CEACAM8: variants seen among roughly 807,000 people sequenced by gnomAD.
CEACAM8 encodes CEA cell adhesion molecule 8, also known as cell adhesion molecule CEACAM8.
CEACAM8 carries 31 observed loss-of-function variants against 33.4 expected under a neutral mutation model. The ratio of observed to expected loss-of-function variants is 0.93; its 90% CI spans 0.70 to 1.25. The LOEUF is 1.25. CEACAM8 is among the 50% of genes most tolerant of loss of function. CEACAM8 has a pLI of 0.00. For synonymous variants in CEACAM8, 138 were observed against 164.5 expected, an observed-to-expected ratio of 0.84 and a Z score of 1.23; for missense variants, 388 against 434.6, an observed-to-expected ratio of 0.89 and a Z score of 0.95.
At chr19:42,589,993 A>T (rs1432840051) in intron 2 of CEACAM8, among the ~76,000 whole-genome samples, 1 of 152,178 alleles carries the variant, frequency 6.6e-6, no homozygotes, top group African/African-American at 2.4e-5. Context: ...CAGACCCAGG[A>T]CTGGGAGTTA....
intron 1 of CEACAM8, 36 bp downstream of exon 1, chr19:42,594,726 TTCC>T (rs1235597072): frequency 6.5e-7 from 1 of 1,547,182 alleles, no homozygotes. Context: ...GTCACTGTGT[TTCC>T]TCCTCCTGTC....
intron 4 of CEACAM8, among the ~76,000 whole-genome samples, chr19:42,585,101 C>G (rs781621919): frequency 1.3e-5 from 2 of 151,968 alleles, no homozygotes; most frequent in Non-Finnish European, 2.9e-5. Context: ...TTGAAACCAG[C>G]TGGGGCAACA....
intron 2 of CEACAM8, among the ~76,000 whole-genome samples, chr19:42,592,540 T>G (rs2042461179): frequency 2.1e-5 from 3 of 145,842 alleles, no homozygotes; most frequent in South Asian, 4.4e-4. Flanking sequence ...GAGGCAGAGG[T>G]TGCAGTGAGC....
intron 2 of CEACAM8, among the ~76,000 whole-genome samples, chr19:42,592,958 C>G (rs1426239916): frequency 6.6e-6 from 1 of 152,228 alleles, no homozygotes; most frequent in African/African-American, 2.4e-5. Flanking sequence ...AGGTGAAGGA[C>G]AAGACTCTGT....
intron 4 of CEACAM8, among the ~76,000 whole-genome samples, chr19:42,587,111 G>A (rs1244011126): frequency 6.6e-6 from 1 of 152,174 alleles, no homozygotes; most frequent in Non-Finnish European, 1.5e-5. Context: ...TTTTAAGGAA[G>A]TGGAAAAATT....
intron 4 of CEACAM8, among the ~76,000 whole-genome samples, chr19:42,585,313 C>CAAAAA (rs34190972): frequency 1.8e-4 from 11 of 61,846 alleles, no homozygotes; most frequent in African/African-American, 2.9e-4. Context: ...CTCTCTCTCT[C>CAAAAA]AAAAAAAAAA....
rs751358013 is a variant in CEACAM8 at position 42,589,502 on chromosome 19, G to A, written c.658C>T (p.Pro220Ser). 20 of 1,614,096 alleles carry A rather than the reference G, an allele frequency of 1.2e-5. No individual in the cohort carries two copies. Among genetic ancestry groups the A allele is most frequent in the South Asian group, 4.4e-5 (4 of 91,082 alleles). The change falls in exon 3 of 6, where the codon CCA becomes TCA. Residue 220 changes from proline (P) to serine (S), a missense_variant. Coordinates refer to ENST00000244336, the MANE Select transcript of CEACAM8 (RefSeq NM_001816.4). The stretch of plus-strand genomic sequence containing the variant: ...GGGTCACTGAAGTTTGCACTCGCTG[G>A]GTTCTGTATTTCACATTCATAGGGT... ...VGPYECEIQN[P>S]ASANFSDPVT... is the part of the protein sequence containing the mutation.
chr19:42,589,400 C>T, intron 3 of CEACAM8, 57 bp downstream of exon 3: 1 of 1,612,192 alleles, frequency 6.2e-7, no homozygotes, highest in Non-Finnish European at 8.5e-7. Context: ...GGCCTGGCCT[C>T]TGGCTGCGTG....
intron 5 of CEACAM8, among the ~76,000 whole-genome samples, chr19:42,581,920 AATATATATAT>A (rs57314008): frequency 0.021 from 540 of 25,318 alleles, 25 homozygotes; most frequent in African/African-American, 0.085. Context: ...AAAAAAAAAA[AATATATATAT>A]ATATATATAT....
chr19:42,594,036 A>G (rs531390848), intron 1 of CEACAM8, 136 bp from the exon 2 acceptor site: 6 of 917,268 alleles, frequency 6.5e-6, no homozygotes, highest in Non-Finnish European at 9.8e-6. Context: ...TGTCAGCAGC[A>G]CAGCCCCCAT....
rs182383918 is a variant in CEACAM8, at chr19:42,588,087, G to T, written c.958+697C>A. Among the ~76,000 whole-genome samples, 231 of 152,300 alleles carry T rather than the reference G, an allele frequency of 1.5e-3. 1 individual carries two copies. Among genetic ancestry groups the T allele is most frequent in the Middle Eastern group, 0.014 (4 of 294 alleles). Reference sequence around the variant, plus strand: ...TGTGTTGTATCCACAGCCTCATGCAGCCCGTGACTTCAGAGCTAGGACACT... The same window carrying T: ...TGTGTTGTATCCACAGCCTCATGCATCCCGTGACTTCAGAGCTAGGACACT... On this transcript the variant is annotated intron_variant, in intron 4 of 5. Coordinates refer to ENST00000244336, the MANE Select transcript of CEACAM8 (RefSeq NM_001816.4).
chr19:42,581,946 T>TATATATATATATATATATATATATATAA (rs765190705), intron 5 of CEACAM8, among the ~76,000 whole-genome samples: 1 of 84,076 alleles, frequency 1.2e-5, no homozygotes, highest in African/African-American at 4.7e-5. Context: ...TATATATATA[T>TATATATATATATATATATATATATATAA]AAAATAAGGT....
intron 1 of CEACAM8, 102 bp downstream of exon 1, chr19:42,594,663 A>G: frequency 1.1e-6 from 1 of 874,710 alleles, no homozygotes; most frequent in Non-Finnish European, 1.9e-6. Context: ...AGGCTCCAAC[A>G]GAAGTCCTCT....
intron 2 of CEACAM8, among the ~76,000 whole-genome samples, chr19:42,590,765 A>G (rs1299620127): frequency 6.6e-6 from 1 of 152,122 alleles, no homozygotes; most frequent in South Asian, 2.1e-4. Flanking sequence ...GGTGGTTGCT[A>G]TGGGCTGGGA....
At chr19:42,592,597 C>CAAAAAAAAAAAA (rs922130468) in intron 2 of CEACAM8, among the ~76,000 whole-genome samples, 5 of 41,832 alleles carry the variant, frequency 1.2e-4, no homozygotes, top group East Asian at 6.9e-4. Flanking sequence ...GACTCCGTCT[C>CAAAAAAAAAAAA]AAAAAAAAAA....
chr19:42,593,698 A>C lies in CEACAM8; in HGVS notation c.267T>G (p.Ile89Met). 1 of 1,614,076 alleles carries C rather than the reference A, an allele frequency of 6.2e-7. No homozygotes were observed. The highest frequency in any genetic ancestry group is 8.5e-7 in the Non-Finnish European group (1 of 1,179,972). Residue 89 changes from isoleucine to methionine, a missense_variant, in exon 2 of 6, where the codon ATT becomes ATG. Physicochemically the swap from Ile to Met is conservative, Grantham distance 10. Coordinates refer to ENST00000244336, the MANE Select transcript of CEACAM8 (RefSeq NM_001816.4). ...GATTGCTGTATGCAGGCCCTGGGGT[A>C]ATCTGTTGATTTGATATTACATATC... ...IIGYVISNQQITPGPAYSNRE... is the reference protein window; with the variant it reads ...IIGYVISNQQMTPGPAYSNRE...
At chr19:42,587,384 A>C (rs2042353775) in intron 4 of CEACAM8, among the ~76,000 whole-genome samples, 2 of 152,260 alleles carry the variant, frequency 1.3e-5, no homozygotes, top group African/African-American at 4.8e-5. Flanking sequence ...AGTGAGGTGT[A>C]TCCATACAAT....
chr19:42,587,753 C>T (rs45558238), intron 4 of CEACAM8, among the ~76,000 whole-genome samples: 1,601 of 152,228 alleles, frequency 0.011, 19 homozygotes, highest in Non-Finnish European at 0.017. Context: ...GCCTGTAATC[C>T]CAGCACTTTG....
At position 42,580,452 on chromosome 19, in the gene CEACAM8, G is replaced by A. The variant is rs549560814; in HGVS notation, c.*942C>T. 1 of 152,316 alleles carries A rather than the reference G, an allele frequency of 6.6e-6. No homozygotes were observed. Among genetic ancestry groups the A allele is most frequent in the African/African-American group, 2.4e-5 (1 of 41,556 alleles). The allele number at this position is 152,316 out of a possible 1,614,324, so 9.4% of individuals were successfully genotyped here. On this transcript the variant is annotated 3_prime_UTR_variant, in exon 6 of 6. Transcript: ENST00000244336. Reference sequence around the variant, plus strand: ...GTAAAAATTTGGGGTTGACACGATAGATTAGACACTCCGTTAATCTATCAT... The same window carrying A: ...GTAAAAATTTGGGGTTGACACGATAAATTAGACACTCCGTTAATCTATCAT...
Sources: allele counts gnomAD v4.1 joint callset (sites outside exome capture counted in the v4.1 genomes callset), GRCh38; gene constraint gnomAD v4.1.1; transcripts MANE v1.5; gene names NCBI Gene and HGNC (gene_info 2026-07-23, HGNC 2026-07-21).